Variants in PZP observed in about 807,000 individuals in gnomAD.
PZP encodes the protein pregnancy zone protein.
Under a neutral mutation model 179.8 loss-of-function variants are expected in PZP, and 150 were observed. The ratio of observed to expected loss-of-function variants is 0.83; its 90% confidence interval spans 0.73 to 0.96. The LOEUF (loss-of-function observed/expected upper bound fraction) is 0.96. Ranked by LOEUF, PZP falls within the 40% of genes least tolerant of loss-of-function variation. The pLI is 0.00. For synonymous variants in PZP, 624 were observed against 652.3 expected, an observed-to-expected ratio of 0.96 and a Z score of 0.66; for missense variants, 1,689 against 1,764.0, an observed-to-expected ratio of 0.96 and a Z score of 0.76.
intron 13 of PZP, among the ~76,000 whole-genome samples, chr12:9,183,070 G>C (rs948667581): frequency 3.3e-5 from 5 of 152,018 alleles, no homozygotes; most frequent in African/African-American, 1.2e-4. Flanking sequence ...TGTAGGACAA[G>C]GACAATTAGA....
chr12:9,175,462 G>A (rs999028028), intron 15 of PZP, among the ~76,000 whole-genome samples: 1 of 152,122 alleles, frequency 6.6e-6, no homozygotes, highest in African/African-American at 2.4e-5. Context: ...ATTGGCAAAT[G>A]AGATATAATT....
chr12:9,169,768 G>T, intron 15 of PZP, 177 bp from the exon 16 acceptor site: 1 of 512,042 alleles, frequency 2.0e-6, no homozygotes, highest in Non-Finnish European at 3.1e-6. Context: ...TTGTTATAAA[G>T]AAATGAAACC....
intron 34 of PZP, among the ~76,000 whole-genome samples, chr12:9,150,126 C>A (rs1161949706): frequency 2.0e-5 from 3 of 152,120 alleles, no homozygotes; most frequent in African/African-American, 7.2e-5. Flanking sequence ...AATAGTCTTT[C>A]CTGTTATGTA....
chr12:9,180,959 TC>T, intron 15 of PZP, 23 bp downstream of exon 15: 1 of 1,603,366 alleles, frequency 6.2e-7, no homozygotes, highest in Non-Finnish European at 8.5e-7. Context: ...CCCTTCCTGG[TC>T]CCCAAGGCCA....
the PZP span, among the ~76,000 whole-genome samples, chr12:9,138,318 A>G: frequency 6.6e-6 from 1 of 151,878 alleles, no homozygotes; most frequent in Non-Finnish European, 1.5e-5. Flanking sequence ...GTACAAATTT[A>G]TACATACTGA....
chr12:9,201,210 T>C (rs1944135850), intron 5 of PZP, 117 bp downstream of exon 5: 4 of 1,322,618 alleles, frequency 3.0e-6, no homozygotes, highest in Middle Eastern at 1.9e-4. Context: ...CAACTGGGAG[T>C]AGGAGGAATT....
chr12:9,157,343 G>A lies in PZP; in HGVS notation c.3382C>T (p.Arg1128Cys), dbSNP rs746172174. The A allele has an allele frequency of 6.8e-6, 11 of 1,613,058 alleles. No individual in the cohort carries two copies. In the South Asian group the frequency reaches 7.7e-5, roughly 11 times the overall value. The change falls in exon 28 of 36, where the codon CGC becomes TGC. Residue 1128 changes from arginine (R) to cysteine (C), a missense_variant. Around this residue, in one of 3 missense-constraint regions of PZP, gnomAD observed 746 missense variants for 749.2 expected, o/e 1.00. Transcript: ENST00000261336. ...IPLPVTNPIV[R>C]NALFCLESAW... is the part of the protein sequence containing the mutation. ...GACTCCAGGCAGAACAGGGCATTGCGAACAATAGGGTTCTGTAAAGGCAAA... is the reference window on the plus strand; with the variant it reads ...GACTCCAGGCAGAACAGGGCATTGCAAACAATAGGGTTCTGTAAAGGCAAA...
chr12:9,180,957 G>C (rs1245762156), intron 15 of PZP, 26 bp downstream of exon 15: 1 of 1,602,590 alleles, frequency 6.2e-7, no homozygotes, highest in Admixed American at 1.8e-5. Flanking sequence ...GGCCCTTCCT[G>C]GTCCCCAAGG....
intron 1 of PZP, among the ~76,000 whole-genome samples, chr12:9,206,216 T>A (rs1238730529): frequency 6.6e-6 from 1 of 151,856 alleles, no homozygotes; most frequent in Non-Finnish European, 1.5e-5. Flanking sequence ...CAAAAAATTT[T>A]TCCTTTAGTT....
chr12:9,197,481 A>G (rs1299613326), intron 7 of PZP, among the ~76,000 whole-genome samples: 3 of 129,194 alleles, frequency 2.3e-5, no homozygotes, highest in Non-Finnish European at 4.6e-5. Context: ...ATATAATAAT[A>G]TAATATATTA....
chr12:9,194,462 G>GTTT (rs5796342), intron 10 of PZP, among the ~76,000 whole-genome samples: 4 of 90,792 alleles, frequency 4.4e-5, no homozygotes, highest in Non-Finnish European at 6.9e-5. Flanking sequence ...AAGTCAGGGA[G>GTTT]TTTTTTTTTT....
chr12:9,198,084 G>A (rs1943938648), intron 7 of PZP, among the ~76,000 whole-genome samples: 1 of 149,202 alleles, frequency 6.7e-6, no homozygotes, highest in Admixed American at 6.8e-5. Flanking sequence ...CAGGTGCTTT[G>A]GCTCATGCCT....
chr12:9,141,466 G>C, the PZP span, among the ~76,000 whole-genome samples: 7 of 152,220 alleles, frequency 4.6e-5, no homozygotes, highest in South Asian at 8.3e-4. Flanking sequence ...TTAAAGAGCA[G>C]GTTAGTGCTT....
At chr12:9,191,815 C>T (rs1368780902) in intron 13 of PZP, among the ~76,000 whole-genome samples, 1 of 152,166 alleles carries the variant, frequency 6.6e-6, no homozygotes, top group Admixed American at 6.5e-5. Flanking sequence ...TATCACCTTT[C>T]TTCCTTCCCA....
intron 10 of PZP, among the ~76,000 whole-genome samples, chr12:9,194,590 G>A (rs769175455): frequency 2.7e-5 from 4 of 150,336 alleles, no homozygotes; most frequent in Non-Finnish European, 5.9e-5. Context: ...TCAGCCTCCC[G>A]AGTAGCTGGG....
At chr12:9,145,495 C>A (rs370172526), downstream of PZP, among the ~76,000 whole-genome samples, 15 of 152,092 alleles carry the variant, frequency 9.9e-5, no homozygotes, top group East Asian at 3.8e-4. Flanking sequence ...AAATTGATAT[C>A]TATTTTATGT....
In PZP at chr12:9,161,048, A is replaced by C. The variant is rs770764482; in HGVS notation, c.2857T>G (p.Ser953Ala). ...SNVVKESARA[S>A]FSVLGDILGS... ...GGTGACTCACCCAGAACTGAGAAAG[A>C]AGCTCTGGCAGATTCTTTGACCACA... Residue 953 changes from serine (S) to alanine (A), a missense_variant, in exon 23 of 36, where the codon TCT becomes GCT. Physicochemically the swap from Ser to Ala is moderately conservative, Grantham distance 99. Transcript: ENST00000261336. 4 of 1,593,550 alleles carry C rather than the reference A, an allele frequency of 2.5e-6. No individual in the cohort carries two copies. Among genetic ancestry groups the C allele is most frequent in the Non-Finnish European group, 3.4e-6 (4 of 1,161,282 alleles).
intron 29 of PZP, among the ~76,000 whole-genome samples, chr12:9,154,097 TTTAATCACACA>T (rs1307209901): frequency 6.6e-6 from 1 of 152,188 alleles, no homozygotes. Context: ...TCACTGTACT[TTTAATCACACA>T]TTTTTTGGGG....
intron 19 of PZP, 57 bp from the exon 20 acceptor site, chr12:9,164,316 A>G: frequency 1.9e-6 from 3 of 1,551,456 alleles, no homozygotes; most frequent in Non-Finnish European, 2.6e-6. Context: ...CGACACGAAC[A>G]CATAGAATTG....
Sources: allele counts gnomAD v4.1 joint callset (sites outside exome capture counted in the v4.1 genomes callset), GRCh38; gene constraint gnomAD v4.1.1; regional missense constraint gnomAD v4.1.1; transcripts MANE v1.5; gene names NCBI Gene and HGNC (gene_info 2026-07-23, HGNC 2026-07-21).